Variants in WASF3 observed in about 807,000 individuals in gnomAD.
WASF3 encodes the protein WASP family member 3.
Under a neutral mutation model 46.6 loss-of-function variants are expected in WASF3, and 11 were observed. The ratio of observed to expected loss-of-function variants is 0.24; its 90% CI spans 0.15 to 0.39. The LOEUF (loss-of-function observed/expected upper bound fraction) is 0.39, where lower values mean the gene tolerates loss of function less well. WASF3 is among the 10% of genes least tolerant of loss of function. The pLI is 1.00. For missense variants in WASF3, 576 were observed against 669.8 expected (o/e 0.86, Z 1.55); for synonymous variants, 242 against 259.7 (o/e 0.93, Z 0.65).
In WASF3 at chr13:26,682,849, G is replaced by T. The variant is rs1441218720; in HGVS notation, c.1226G>T (p.Gly409Val). The change falls in exon 9 of 10, where the codon GGT becomes GTT. Residue 409 changes from glycine to valine, a missense_variant. Gly to Val is a moderately radical substitution (Grantham distance 109, BLOSUM62 -3). This residue lies in a region of WASF3 where 295 missense variants were observed against 291.5 expected (regional missense o/e 1.01). Coordinates refer to ENST00000335327, the MANE Select transcript of WASF3 (RefSeq NM_006646.6). The surrounding 1 kb of genome is among the most constrained non-coding windows in gnomAD (Gnocchi z 4.4). ...GPPPPPPGPPGPGSSLSSSPM... is the reference protein window; with the variant it reads ...GPPPPPPGPPVPGSSLSSSPM... ...CCACCTCCCCCGCCAGGCCCTCCTG[G>T]TCCCGGGTCTTCTCTTTCGTCCTCC... 1.2e-6 allele frequency: 2 copies of T among 1,611,290 alleles called. No individual in the cohort carries two copies. Among genetic ancestry groups the T allele is most frequent in the Non-Finnish European group, 8.5e-7 (1 of 1,179,960 alleles).
chr13:26,554,096 CTTCTTTCTTTCTTTCT>C (rs57590764), upstream of WASF3, among the ~76,000 whole-genome samples: 1 of 7,372 alleles, frequency 1.4e-4, no homozygotes, highest in African/African-American at 3.8e-4. Flanking sequence ...TCCTTCCTTC[CTTCTTTCTTTCTTTCT>C]TTCTTTCTTT....
At position 26,642,386 on chromosome 13, in the gene WASF3, G is replaced by A. The variant is rs774059020; in HGVS notation, c.116G>A (p.Arg39His). 5.1e-5 allele frequency: 81 copies of A among 1,600,088 alleles called. No individual in the cohort carries two copies. In the African/African-American group the frequency reaches 7.6e-4, roughly 15 times the overall value. The part of the protein sequence containing the change: ...VTNSTLAAII[R>H]QLSSLSKHAE... The stretch of plus-strand genomic sequence containing the variant: ...AATAGTACTCTTGCCGCTATCATAC[G>A]CCAGCTGAGCAGTCTGAGTAAGCCA... The change falls in exon 3 of 10, where the codon CGC (arginine) becomes CAC (histidine). Residue 39 changes from arginine to histidine, a missense_variant. Physicochemically the swap from Arg to His is conservative, Grantham distance 29. This residue lies in a region of WASF3 where 213 missense variants were observed against 278.0 expected (regional missense o/e 0.77). Coordinates refer to ENST00000335327, the MANE Select transcript of WASF3 (RefSeq NM_006646.6).
chr13:26,622,892 G>A (rs1473483329), intron 2 of WASF3: 1 of 152,186 alleles, frequency 6.6e-6, no homozygotes, highest in African/African-American at 2.4e-5. Context: ...TGAAGGTGGA[G>A]TTTCTCTTCC....
chr13:26,667,404 ATAT>A (rs1213862637), intron 4 of WASF3, 110 bp from the exon 5 acceptor site: 1 of 916,262 alleles, frequency 1.1e-6, no homozygotes, highest in Non-Finnish European at 1.6e-6. Context: ...ACAATAAAAA[ATAT>A]TATTTGGTTG....
intron 2 of WASF3, among the ~76,000 whole-genome samples, chr13:26,629,959 A>G (rs150527572): frequency 4.5e-4 from 69 of 152,122 alleles, no homozygotes; most frequent in African/African-American, 1.6e-3. Context: ...CACAAACTCC[A>G]TATTGTCCTG....
the WASF3 span, among the ~76,000 whole-genome samples, chr13:26,548,418 C>T: frequency 1.6e-4 from 24 of 152,270 alleles, no homozygotes; most frequent in East Asian, 4.6e-3. Flanking sequence ...TTCTCTTTGC[C>T]GCTTTCTCAG....
chr13:26,653,321 G>C (rs2137436371), intron 3 of WASF3, among the ~76,000 whole-genome samples: 1 of 152,196 alleles, frequency 6.6e-6, no homozygotes, highest in Non-Finnish European at 1.5e-5. Flanking sequence ...CCCAATTTGA[G>C]TAAATTTCAG....
At chr13:26,548,597 G>A in the WASF3 span, among the ~76,000 whole-genome samples, 11 of 152,150 alleles carry the variant, frequency 7.2e-5, no homozygotes, top group Non-Finnish European at 1.5e-4. Context: ...ACCCAAGGCC[G>A]TAACACACTT....
chr13:26,620,175 T>C (rs1415782123), intron 2 of WASF3, among the ~76,000 whole-genome samples: 3 of 152,140 alleles, frequency 2.0e-5, no homozygotes, highest in Non-Finnish European at 4.4e-5. Flanking sequence ...ATTAAGTAGC[T>C]GATTTTGTCT....
intron 7 of WASF3, among the ~76,000 whole-genome samples, chr13:26,678,129 T>A (rs1244269095): frequency 6.6e-6 from 1 of 152,212 alleles, no homozygotes; most frequent in Non-Finnish European, 1.5e-5. Flanking sequence ...ATTGTTTTAT[T>A]TCTTCAGAAT....
At chr13:26,655,414 G>C (rs1882438020) in intron 3 of WASF3, among the ~76,000 whole-genome samples, 1 of 152,158 alleles carries the variant, frequency 6.6e-6, no homozygotes, top group Admixed American at 6.5e-5. Context: ...GTGTCTGCTT[G>C]TGTCATAACT....
At chr13:26,569,867 C>A (rs1213053031) in intron 1 of WASF3, among the ~76,000 whole-genome samples, 1 of 152,174 alleles carries the variant, frequency 6.6e-6, no homozygotes, top group Non-Finnish European at 1.5e-5. Flanking sequence ...AAAAAGAGAA[C>A]ATCCTAAAAT....
At chr13:26,657,991 A>AG (rs1882515683) in intron 3 of WASF3, among the ~76,000 whole-genome samples, 1 of 152,242 alleles carries the variant, frequency 6.6e-6, no homozygotes, top group Non-Finnish European at 1.5e-5. Context: ...TTTTTCAAAT[A>AG]GGGTTAGGCA....
intron 1 of WASF3, among the ~76,000 whole-genome samples, chr13:26,588,830 C>T (rs1362451847): frequency 6.6e-6 from 1 of 152,124 alleles, no homozygotes; most frequent in Non-Finnish European, 1.5e-5. Flanking sequence ...GACAGTCTCA[C>T]TCTGTCACCC....
chr13:26,611,922 G>A (rs1880993524), intron 1 of WASF3, among the ~76,000 whole-genome samples: 1 of 151,814 alleles, frequency 6.6e-6, no homozygotes, highest in Non-Finnish European at 1.5e-5. Context: ...AGAATTCATG[G>A]GGGTCCAGAT....
intron 1 of WASF3, among the ~76,000 whole-genome samples, chr13:26,558,642 T>C (rs954889798): frequency 1.3e-5 from 2 of 152,198 alleles, no homozygotes; most frequent in Non-Finnish European, 2.9e-5. Context: ...GAGACGAGAG[T>C]TCTTAATTAT....
intron 2 of WASF3, chr13:26,622,729 C>A (rs753803748): frequency 6.6e-6 from 1 of 151,876 alleles, no homozygotes; most frequent in Admixed American, 6.6e-5. Context: ...GAGCCAAGAT[C>A]GCACCAGTGC....
chr13:26,635,496 G>C (rs12864079), intron 2 of WASF3, among the ~76,000 whole-genome samples: 1 of 152,098 alleles, frequency 6.6e-6, no homozygotes, highest in East Asian at 1.9e-4. Flanking sequence ...CTGTCAACTC[G>C]TCAAAGTCAT....
chr13:26,668,476 C>T lies in WASF3; in HGVS notation c.422+806C>T, dbSNP rs118182109. On this transcript the variant is annotated intron_variant, in intron 5 of 9. Transcript: ENST00000335327. ...GACCAGTGGTCCTCACAGCCCCGGG[C>T]CAGCTCTCTGGTGATTCTCCTGTGA... Among the ~76,000 whole-genome samples the T allele has an allele frequency of 2.8e-3, 430 of 152,366 alleles. 4 individuals are homozygous for T. Among genetic ancestry groups the T allele is most frequent in the Non-Finnish European group, 3.1e-3 (210 of 68,038 alleles).
Sources: gnomAD v4.1 joint callset for allele counts (sites outside exome capture counted in the v4.1 genomes callset) on GRCh38, gnomAD v4.1.1 for gene constraint, gnomAD v4.1.1 regional missense constraint, Gnocchi (gnomAD v3.1) non-coding constraint, MANE v1.5 for transcripts, NCBI Gene and HGNC (gene_info 2026-07-23, HGNC 2026-07-21) for gene names.